The following IMMP2L variants were observed in gnomAD, a reference collection of about 807,000 sequenced individuals.
IMMP2L encodes inner mitochondrial membrane peptidase subunit 2.
A neutral mutation model predicts 19.3 loss-of-function variants in IMMP2L; 18 were observed. The ratio of observed to expected loss-of-function variants is 0.93; its 90% CI spans 0.64 to 1.38. The LOEUF is 1.38. Among genes scored for constraint, IMMP2L ranks in the 40% most tolerant of loss-of-function variants. The pLI, the probability that IMMP2L is intolerant of heterozygous loss-of-function variation, is 0.00. For synonymous variants in IMMP2L, 76 were observed against 73.0 expected (o/e 1.04, Z -0.21); for missense variants, 233 against 218.2 (o/e 1.07, Z -0.43).
At chr7:111,100,138 T>G (rs1480466655) in intron 3 of IMMP2L, among the ~76,000 whole-genome samples, 1 of 151,626 alleles carries the variant, frequency 6.6e-6, no homozygotes, top group Non-Finnish European at 1.5e-5. Context: ...TTCTTTTTTT[T>G]AAATTTCAAT....
chr7:110,994,193 G>T (rs149954399), intron 3 of IMMP2L, among the ~76,000 whole-genome samples: 1 of 150,760 alleles, frequency 6.6e-6, no homozygotes, highest in Non-Finnish European at 1.5e-5. Flanking sequence ...GACAAACCCC[G>T]GTTGATCTCT....
chr7:111,236,282 G>A (rs1814303125), intron 3 of IMMP2L, among the ~76,000 whole-genome samples: 1 of 152,052 alleles, frequency 6.6e-6, no homozygotes, highest in African/African-American at 2.4e-5. Flanking sequence ...TGTGTCCTGA[G>A]GAACATCCTT....
chr7:111,465,284 C>CA lies in IMMP2L; in HGVS notation c.239+21953dup, dbSNP rs144161766. ...CTCAGTCAAGATTCTGATAAATCAT[C>CA]AATCCCCTACCTGGGCTATTTCAGC... On this transcript the variant is annotated intron_variant, in intron 3 of 5. Transcript: ENST00000405709. Among the ~76,000 whole-genome samples, 1,117 of 152,070 alleles carry CA rather than the reference C, an allele frequency of 7.3e-3. 21 individuals carry two copies. The highest frequency in any genetic ancestry group is 0.026 in the African/African-American group (1,072 of 41,514).
chr7:110,825,781 C>T lies in IMMP2L; in HGVS notation c.408+60812G>A, dbSNP rs146613859. 5.7e-3 allele frequency among the ~76,000 whole-genome samples: 865 copies of T among 152,102 alleles called. 13 individuals carry two copies. Among genetic ancestry groups the T allele is most frequent in the African/African-American group, 0.02 (814 of 41,498 alleles). ...CCATTCAGGACATAGGCATGGGCAA[C>T]GACTTCATGTCTAAAACACCAAAAG... On this transcript the variant is annotated intron_variant, in intron 5 of 5. Transcript: ENST00000405709.
At chr7:110,934,134 T>C (rs1008595628) in intron 4 of IMMP2L, among the ~76,000 whole-genome samples, 9 of 152,200 alleles carry the variant, frequency 5.9e-5, no homozygotes, top group African/African-American at 2.2e-4. Flanking sequence ...TCAGTTTCCA[T>C]GTAGTTGGGT....
chr7:110,803,662 C>T lies in IMMP2L; in HGVS notation c.408+82931G>A, dbSNP rs1234524049. Among the ~76,000 whole-genome samples the T allele has an allele frequency of 6.6e-6, 1 of 151,972 alleles. No homozygotes were observed. Among genetic ancestry groups the T allele is most frequent in the Non-Finnish European group, 1.5e-5 (1 of 67,976 alleles). On this transcript the variant is annotated intron_variant, in intron 5 of 5. Transcript: ENST00000405709. The surrounding 1 kb of genome is among the most constrained non-coding windows in gnomAD (Gnocchi z 4.2). ...GGGGAGCTCCAGAAATGGGAGTGAC[C>T]TTGGACCAGGCAGCTCCCTGTAGCC...
Position 111,499,418 on chromosome 7 carries a change from T to TAGA in IMMP2L, c.136-12078_136-12077insTCT, listed in dbSNP as rs368046656. Among the ~76,000 whole-genome samples the TAGA allele has an allele frequency of 5.6e-4, 85 of 152,190 alleles. 2 individuals are homozygous for TAGA. Among genetic ancestry groups the TAGA allele is most frequent in the African/African-American group, 1.9e-3 (79 of 41,536 alleles). Reference sequence around the variant, plus strand: ...AACCCTTCCTAAGAGCCCCAAGGTCTCCTCAGATGTTTGCAATAGGATTCA... The same window carrying TAGA: ...AACCCTTCCTAAGAGCCCCAAGGTCTAGACCTCAGATGTTTGCAATAGGATTCA... On this transcript the variant is annotated intron_variant, in intron 2 of 5. Coordinates refer to ENST00000405709, the MANE Select transcript of IMMP2L (RefSeq NM_032549.4).
chr7:111,238,919 C>A (rs1011576283), intron 3 of IMMP2L, among the ~76,000 whole-genome samples: 3 of 151,842 alleles, frequency 2.0e-5, no homozygotes, highest in Non-Finnish European at 1.5e-5. Context: ...ACAACAACTG[C>A]CTTTCAGAAT....
At chr7:111,241,718 G>A (rs959995784) in intron 3 of IMMP2L, among the ~76,000 whole-genome samples, 2 of 150,898 alleles carry the variant, frequency 1.3e-5, no homozygotes, top group Non-Finnish European at 3.0e-5. Context: ...TATTATATAA[G>A]TATAAAGTGT....
chr7:111,497,363 T>G (rs1374660398), intron 2 of IMMP2L, among the ~76,000 whole-genome samples: 10 of 152,172 alleles, frequency 6.6e-5, no homozygotes, highest in Non-Finnish European at 1.3e-4. Flanking sequence ...CAATAGTGAA[T>G]AGCTTCTTAG....
intron 5 of IMMP2L, among the ~76,000 whole-genome samples, chr7:110,874,179 T>C (rs1808830225): frequency 2.0e-5 from 3 of 152,088 alleles, no homozygotes; most frequent in Admixed American, 2.0e-4. Context: ...CAAAGGATCA[T>C]GGTAATAGTC....
rs926415227 is a variant in IMMP2L at position 110,877,909 on chromosome 7, TAAAAAAC to T, written c.408+8677_408+8683del. 2.6e-5 allele frequency among the ~76,000 whole-genome samples: 4 copies of T among 151,822 alleles called. No individual in the cohort carries two copies. The highest frequency in any genetic ancestry group is 6.6e-5 in the Admixed American group (1 of 15,226). The stretch of plus-strand genomic sequence containing the variant: ...TTCCATATATTTTATACTCTAAAAA[TAAAAAAC>T]AAAAAACAAAAAGCACAATGGATTG... On this transcript the variant is annotated intron_variant, in intron 5 of 5. Coordinates refer to ENST00000405709, the MANE Select transcript of IMMP2L (RefSeq NM_032549.4). The surrounding 1 kb of genome is among the most constrained non-coding windows in gnomAD (Gnocchi z 4.0).
chr7:111,420,402 G>C (rs574777709), intron 3 of IMMP2L, among the ~76,000 whole-genome samples: 8 of 151,840 alleles, frequency 5.3e-5, no homozygotes, highest in African/African-American at 1.9e-4. Flanking sequence ...AAAGGTACAG[G>C]TGAAACTTTC....
intron 3 of IMMP2L, among the ~76,000 whole-genome samples, chr7:111,018,787 TTTATTA>T (rs61180550): frequency 0.17 from 24,415 of 141,274 alleles, 2,245 homozygotes; most frequent in African/African-American, 0.22. Flanking sequence ...TGTGTGTCTT[TTTATTA>T]TTATTATTAT....
rs1163324963 is a variant in IMMP2L, at chr7:110,963,472, G to A, written c.305+28C>T. Reference sequence around the variant, plus strand: ...ACAGAACTCTAGATATTTAAAACTTGAACTCAGAAACAACAGTAAATACTT... The same window carrying A: ...ACAGAACTCTAGATATTTAAAACTTAAACTCAGAAACAACAGTAAATACTT... On this transcript the variant is annotated intron_variant, in intron 4 of 5. Coordinates refer to ENST00000405709, the MANE Select transcript of IMMP2L (RefSeq NM_032549.4). The A allele has an allele frequency of 6.0e-6, 9 of 1,488,640 alleles. 1 individual carries two copies. The highest frequency in any genetic ancestry group is 5.3e-5 in the Admixed American group (3 of 56,356). The allele number at this position is 1,488,640 out of a possible 1,614,324, so 92.2% of individuals were successfully genotyped here. A position where few individuals can be genotyped will look rare whatever the true frequency, so the allele number is the denominator to read the frequency against.
intron 3 of IMMP2L, among the ~76,000 whole-genome samples, chr7:110,989,910 A>T (rs1822277398): frequency 6.6e-6 from 1 of 152,020 alleles, no homozygotes; most frequent in Non-Finnish European, 1.5e-5. Context: ...TAAAGAAAAA[A>T]ATTCTGAGTA....
At chr7:111,168,133 T>C (rs543593778) in intron 3 of IMMP2L, among the ~76,000 whole-genome samples, 150 of 152,120 alleles carry the variant, frequency 9.9e-4, no homozygotes, top group African/African-American at 3.5e-3. Flanking sequence ...CGAAACTTGA[T>C]TTTCTGCTGG....
chr7:110,866,714 G>A (rs1283958159), intron 5 of IMMP2L, among the ~76,000 whole-genome samples: 8 of 152,014 alleles, frequency 5.3e-5, no homozygotes, highest in African/African-American at 1.4e-4. Flanking sequence ...AAAGGTTTCC[G>A]AGAGACACAA....
intron 2 of IMMP2L, among the ~76,000 whole-genome samples, chr7:111,490,025 T>C (rs976724992): frequency 6.6e-6 from 1 of 151,516 alleles, no homozygotes; most frequent in Non-Finnish European, 1.5e-5. Context: ...CTCGAACTCC[T>C]GATCTCGTGA....
Sources: gnomAD v4.1 joint callset for allele counts (sites outside exome capture counted in the v4.1 genomes callset) on GRCh38, gnomAD v4.1.1 for gene constraint, Gnocchi (gnomAD v3.1) non-coding constraint, MANE v1.5 for transcripts, NCBI Gene and HGNC (gene_info 2026-07-23, HGNC 2026-07-21) for gene names.